Variants in L3MBTL4 observed in about 807,000 individuals in gnomAD.
L3MBTL4 encodes the protein lethal(3)malignant brain tumor-like protein 4.
L3MBTL4 carries 70 observed loss-of-function variants against 84.5 expected under a neutral mutation model. The observed-to-expected ratio is 0.83, with a 90% CI of 0.68 to 1.01. L3MBTL4 has a LOEUF of 1.01. Among genes scored for constraint, L3MBTL4 ranks in the 50% least tolerant of loss-of-function variants. The pLI, the probability that L3MBTL4 is intolerant of heterozygous loss-of-function variation, is 0.00. For missense variants in L3MBTL4, 715 were observed against 754.8 expected (o/e 0.95, Z 0.62); for synonymous variants, 274 against 259.8 (o/e 1.05, Z -0.52).
chr18:5,995,604 G>A (rs2053923519), intron 16 of L3MBTL4, among the ~76,000 whole-genome samples: 1 of 152,172 alleles, frequency 6.6e-6, no homozygotes, highest in South Asian at 2.1e-4. Context: ...TTTCACCCAT[G>A]CGACCAAGAA....
intron 16 of L3MBTL4, among the ~76,000 whole-genome samples, chr18:6,040,161 T>C (rs756427360): frequency 1.3e-5 from 2 of 152,288 alleles, no homozygotes; most frequent in East Asian, 3.9e-4. Flanking sequence ...TATTTTGAAT[T>C]GTAGTTCATT....
At chr18:5,997,696 A>G (rs1394246239) in intron 16 of L3MBTL4, among the ~76,000 whole-genome samples, 7 of 152,132 alleles carry the variant, frequency 4.6e-5, no homozygotes, top group African/African-American at 1.7e-4. Flanking sequence ...CCTAAAATGT[A>G]TAAAGCCAAG....
intron 16 of L3MBTL4, among the ~76,000 whole-genome samples, chr18:5,987,079 T>G (rs1296826386): frequency 2.0e-5 from 3 of 152,200 alleles, no homozygotes; most frequent in Admixed American, 1.3e-4. Context: ...TCGCTGACCC[T>G]GAAGGTCTGC....
chr18:6,292,788 T>C (rs961283628), intron 4 of L3MBTL4, among the ~76,000 whole-genome samples: 1 of 152,042 alleles, frequency 6.6e-6, no homozygotes, highest in African/African-American at 2.4e-5. Context: ...GCTCCAAGCA[T>C]ATTAATCTCT....
chr18:5,960,944 A>T (rs1283960446), intron 17 of L3MBTL4, among the ~76,000 whole-genome samples: 3 of 152,160 alleles, frequency 2.0e-5, no homozygotes, highest in Non-Finnish European at 4.4e-5. Context: ...AACAAACCTG[A>T]TAAAGGGTAG....
intron 12 of L3MBTL4, among the ~76,000 whole-genome samples, chr18:6,208,248 A>G (rs1421208296): frequency 6.6e-6 from 1 of 152,198 alleles, no homozygotes; most frequent in African/African-American, 2.4e-5. Flanking sequence ...TCATATCTGG[A>G]CTTTTGTTTT....
intron 10 of L3MBTL4, among the ~76,000 whole-genome samples, chr18:6,219,494 T>C (rs572779496): frequency 7.3e-6 from 1 of 137,584 alleles, no homozygotes; most frequent in South Asian, 2.5e-4. Flanking sequence ...TTGGACCTCA[T>C]TCTTTAGGTC....
chr18:6,244,403 A>G, intron 6 of L3MBTL4, 81 bp downstream of exon 6: 1 of 888,492 alleles, frequency 1.1e-6, no homozygotes, highest in South Asian at 1.6e-5. Context: ...CATAATAAAT[A>G]TCAAACAAAT....
At chr18:6,263,692 G>A (rs2048507036) in intron 5 of L3MBTL4, among the ~76,000 whole-genome samples, 1 of 152,166 alleles carries the variant, frequency 6.6e-6, no homozygotes. Context: ...GAAAGGTAGG[G>A]AACCTTTCCT....
intron 12 of L3MBTL4, among the ~76,000 whole-genome samples, chr18:6,192,925 G>C (rs2045188884): frequency 6.6e-6 from 1 of 151,842 alleles, no homozygotes; most frequent in Non-Finnish European, 1.5e-5. Flanking sequence ...GCCGTGTAAA[G>C]AGAAAAAAAG....
At chr18:6,156,790 G>T (rs2043123262) in intron 13 of L3MBTL4, among the ~76,000 whole-genome samples, 1 of 152,176 alleles carries the variant, frequency 6.6e-6, no homozygotes, top group Non-Finnish European at 1.5e-5. Flanking sequence ...TTCGCACAGA[G>T]CTGTGCTTTA....
chr18:6,085,127 C>A (rs1324334729), intron 15 of L3MBTL4, among the ~76,000 whole-genome samples: 1 of 152,072 alleles, frequency 6.6e-6, no homozygotes, highest in Non-Finnish European at 1.5e-5. Flanking sequence ...AAGTAATGAA[C>A]CCTTTTAAAA....
At chr18:6,325,873 A>G (rs2051691150) in intron 1 of L3MBTL4, among the ~76,000 whole-genome samples, 1 of 152,220 alleles carries the variant, frequency 6.6e-6, no homozygotes, top group African/African-American at 2.4e-5. Flanking sequence ...TGGACACAGT[A>G]TGTTTTCTTT....
At chr18:6,396,807 A>G (rs1382355383) in intron 1 of L3MBTL4, 1 of 152,200 alleles carries the variant, frequency 6.6e-6, no homozygotes, top group East Asian at 1.9e-4. Context: ...TATGTTCTAA[A>G]TGTTTTATGC....
At chr18:6,000,725 G>T (rs904066472) in intron 16 of L3MBTL4, among the ~76,000 whole-genome samples, 10 of 152,156 alleles carry the variant, frequency 6.6e-5, no homozygotes, top group Non-Finnish European at 7.4e-5. Context: ...CAGTGAATTG[G>T]AATGCAATAA....
chr18:6,176,356 AC>A, intron 12 of L3MBTL4, among the ~76,000 whole-genome samples: 1 of 152,344 alleles, frequency 6.6e-6, no homozygotes, highest in South Asian at 2.1e-4. Flanking sequence ...CTTAGGATAG[AC>A]AAATATATTA....
At chr18:6,136,446 A>G (rs2144613199) in intron 14 of L3MBTL4, among the ~76,000 whole-genome samples, 2 of 152,240 alleles carry the variant, frequency 1.3e-5, no homozygotes, top group Middle Eastern at 6.8e-3. Flanking sequence ...CTCCCTTTGC[A>G]CCCCTCACCC....
In L3MBTL4 at chr18:6,241,088, A is replaced by G. The variant is rs376418857; in HGVS notation, c.552+270T>C. Reference sequence around the variant, plus strand: ...TCCCTGTAAGGGAAAACATTTTTAAAAGACACTTTCAATTTTAGTAGGCTT... The same window carrying G: ...TCCCTGTAAGGGAAAACATTTTTAAGAGACACTTTCAATTTTAGTAGGCTT... On this transcript the variant is annotated intron_variant, in intron 8 of 18. Coordinates refer to ENST00000317931, the MANE Select transcript of L3MBTL4 (RefSeq NM_001330559.2). Among the ~76,000 whole-genome samples, 3 of 152,364 alleles carry G rather than the reference A, an allele frequency of 2.0e-5. No individual in the cohort carries two copies. The South Asian group carries it at 6.2e-4, about 32-fold the overall frequency.
intron 16 of L3MBTL4, among the ~76,000 whole-genome samples, chr18:6,019,217 T>C (rs1352118569): frequency 6.6e-6 from 1 of 152,214 alleles, no homozygotes; most frequent in African/African-American, 2.4e-5. Context: ...TTATGTGATA[T>C]TATGTAGAAT....
Sources: gnomAD v4.1 joint callset for allele counts (sites outside exome capture counted in the v4.1 genomes callset) on GRCh38, gnomAD v4.1.1 for gene constraint, MANE v1.5 for transcripts, NCBI Gene and HGNC (gene_info 2026-07-23, HGNC 2026-07-21) for gene names.